ERC1: variants seen among roughly 807,000 people sequenced by gnomAD.
ERC1 encodes RAB6 interacting protein 2.
A neutral mutation model predicts 132.0 loss-of-function variants in ERC1; 56 were observed. The observed-to-expected ratio is 0.42, with a 90% CI of 0.34 to 0.53. ERC1 has a LOEUF of 0.53. ERC1 is among the 20% of genes least tolerant of loss of function. ERC1 has a pLI of 0.03. For synonymous variants in ERC1, 478 were observed against 476.1 expected, an observed-to-expected ratio of 1.00 and a Z score of -0.05; for missense variants, 1,202 against 1,349.9, an observed-to-expected ratio of 0.89 and a Z score of 1.72.
At position 1,141,889 on chromosome 12, in the gene ERC1, T is replaced by G. The variant is rs1019423453; in HGVS notation, c.1737+102T>G. ...GCTGTCAGAGTTTCTTGCTCATTTT[T>G]CAGTTTATATTTTTGTGATTAGTAA... is the stretch of plus-strand genomic sequence containing the variant. On this transcript the variant is annotated intron_variant, in intron 8 of 18. Coordinates refer to ENST00000360905, the MANE Select transcript of ERC1 (RefSeq NM_178040.4). 6.1e-6 allele frequency: 6 copies of G among 982,200 alleles called. No individual in the cohort carries two copies. In the African/African-American group the frequency reaches 1.0e-4, roughly 16 times the overall value. 60.8% of individuals were successfully genotyped at this position (982,200 alleles called of 1,614,324 possible). A position where few individuals can be genotyped will look rare whatever the true frequency, so the allele number is the denominator to read the frequency against.
chr12:1,107,904 G>C (rs778031557), intron 4 of ERC1, among the ~76,000 whole-genome samples: 1 of 152,204 alleles, frequency 6.6e-6, no homozygotes, highest in Non-Finnish European at 1.5e-5. Flanking sequence ...TTGACAAAGA[G>C]CAGAGGATTT....
chr12:1,035,438 AG>A (rs879298206), intron 2 of ERC1, among the ~76,000 whole-genome samples: 2 of 152,258 alleles, frequency 1.3e-5, no homozygotes, highest in Non-Finnish European at 2.9e-5. Context: ...ATAAATACTC[AG>A]CAATTTTTAT....
chr12:1,013,457 A>G (rs1965017151), intron 1 of ERC1, among the ~76,000 whole-genome samples: 1 of 152,126 alleles, frequency 6.6e-6, no homozygotes, highest in Admixed American at 6.6e-5. Context: ...GCGAAATAGT[A>G]ACTGACAAGT....
intron 12 of ERC1, among the ~76,000 whole-genome samples, chr12:1,208,385 T>C (rs1458781495): frequency 6.6e-6 from 1 of 151,940 alleles, no homozygotes; most frequent in African/African-American, 2.4e-5. Flanking sequence ...CTATTATTAG[T>C]GTTAGTGTAT....
intron 16 of ERC1, among the ~76,000 whole-genome samples, chr12:1,399,993 T>C (rs1240532672): frequency 6.6e-6 from 1 of 152,194 alleles, no homozygotes; most frequent in Non-Finnish European, 1.5e-5. Flanking sequence ...CTTACCACTC[T>C]ACAATCCCAC....
intron 7 of ERC1, among the ~76,000 whole-genome samples, chr12:1,119,511 T>TC (rs1555253302): frequency 2.2e-5 from 3 of 138,942 alleles, no homozygotes; most frequent in South Asian, 2.4e-4. Flanking sequence ...TACTTCTTCT[T>TC]TGTGTGTGTG....
Position 1,204,348 on chromosome 12 carries a change from C to T in ERC1, c.2351+14296C>T, listed in dbSNP as rs116153788. ...TGAGAGTTGAAAATCTGAAATAATT[C>T]TTTTTTAGTGACTGTATAGAATTTG... On this transcript the variant is annotated intron_variant, in intron 12 of 18. Transcript: ENST00000360905. Among the ~76,000 whole-genome samples the T allele has an allele frequency of 5.3e-3, 796 of 151,210 alleles. 7 individuals are homozygous for T. Among genetic ancestry groups the T allele is most frequent in the African/African-American group, 0.018 (749 of 41,210 alleles).
intron 17 of ERC1, among the ~76,000 whole-genome samples, chr12:1,415,280 A>AGGATG (rs1414728988): frequency 2.0e-5 from 3 of 152,228 alleles, no homozygotes; most frequent in African/African-American, 7.2e-5. Context: ...CCTTCAGTAA[A>AGGATG]GGATGGACCT....
intron 16 of ERC1, 35 bp from the exon 17 acceptor site, chr12:1,408,114 A>G (rs372031517): frequency 5.1e-4 from 749 of 1,471,208 alleles, no homozygotes; most frequent in Non-Finnish European, 6.7e-4. Context: ...TAGAAACTTT[A>G]CTTAAATTTA....
At chr12:1,319,187 C>T (rs7975854) in intron 15 of ERC1, among the ~76,000 whole-genome samples, 60,266 of 151,832 alleles carry the variant, frequency 0.4, 12,402 homozygotes, top group Middle Eastern at 0.52. Flanking sequence ...CTCAAGTCAG[C>T]GTCAGTTTTA....
At chr12:1,284,678 G>A (rs1396216008) in intron 14 of ERC1, among the ~76,000 whole-genome samples, 2 of 152,046 alleles carry the variant, frequency 1.3e-5, no homozygotes, top group Non-Finnish European at 2.9e-5. Flanking sequence ...TTTTAGGAGT[G>A]GTTTGAGGGA....
rs549792749 is a variant in ERC1 at position 1,374,039 on chromosome 12, T to A, written c.2925+2062T>A. 5.9e-4 allele frequency among the ~76,000 whole-genome samples: 90 copies of A among 152,064 alleles called. 1 individual carries two copies. The highest frequency in any genetic ancestry group is 6.8e-3 in the Middle Eastern group (2 of 294). ...GATGCTGTGAGCAAGAAGGAAGGAG[T>A]CTTGCCAAAGGCATTTGATTCTTTA... is the stretch of plus-strand genomic sequence containing the variant. On this transcript the variant is annotated intron_variant, in intron 16 of 18. Transcript: ENST00000360905.
chr12:1,471,928 A>G (rs1399234459), intron 18 of ERC1, among the ~76,000 whole-genome samples: 1 of 152,206 alleles, frequency 6.6e-6, no homozygotes, highest in Admixed American at 6.5e-5. Flanking sequence ...TTTTCCTACA[A>G]CAGATAGATC....
intron 3 of ERC1, among the ~76,000 whole-genome samples, chr12:1,095,538 T>C (rs1398363251): frequency 6.6e-6 from 1 of 152,122 alleles, no homozygotes; most frequent in Non-Finnish European, 1.5e-5. Context: ...CAACATTAAA[T>C]GGACTAAGAC....
chr12:1,040,286 T>C (rs1429815005), intron 2 of ERC1, among the ~76,000 whole-genome samples: 1 of 152,044 alleles, frequency 6.6e-6, no homozygotes, highest in Non-Finnish European at 1.5e-5. Flanking sequence ...TACACATTTC[T>C]AAAAATACTC....
Position 1,397,485 on chromosome 12 carries a change from G to A in ERC1, c.2926-10664G>A, listed in dbSNP as rs542587744. Among the ~76,000 whole-genome samples the A allele has an allele frequency of 1.2e-4, 18 of 152,266 alleles. 1 individual carries two copies. The highest frequency in any genetic ancestry group is 4.3e-4 in the African/African-American group (18 of 41,540). ...GGAATACTGTGCAGCTGTAGAAAGG[G>A]ATGAGAAAGATCTCTATTGATATGG... is the stretch of plus-strand genomic sequence containing the variant. On this transcript the variant is annotated intron_variant, in intron 16 of 18. Transcript: ENST00000360905.
At chr12:1,328,730 C>CT (rs1566599274) in intron 15 of ERC1, among the ~76,000 whole-genome samples, 1 of 151,742 alleles carries the variant, frequency 6.6e-6, no homozygotes, top group African/African-American at 2.4e-5. Context: ...GAAGTCATTT[C>CT]TTTCTCTGCG....
intron 18 of ERC1, among the ~76,000 whole-genome samples, chr12:1,458,474 G>A (rs944469067): frequency 7.9e-5 from 12 of 151,460 alleles, no homozygotes; most frequent in African/African-American, 4.9e-5. Context: ...TTCTCTGTGT[G>A]TATGTGTGTT....
At chr12:1,180,284 C>CGT (rs1954283538) in intron 8 of ERC1, among the ~76,000 whole-genome samples, 1 of 122,286 alleles carries the variant, frequency 8.2e-6, no homozygotes, top group South Asian at 2.5e-4. Flanking sequence ...TGTGTGTGTG[C>CGT]GCGCACGCGT....
Sources: allele counts gnomAD v4.1 joint callset (sites outside exome capture counted in the v4.1 genomes callset), GRCh38; gene constraint gnomAD v4.1.1; transcripts MANE v1.5; gene names NCBI Gene and HGNC (gene_info 2026-07-23, HGNC 2026-07-21).